CCDC93: variants seen among roughly 807,000 people sequenced by gnomAD.
The protein encoded by CCDC93 is coiled-coil domain-containing protein 93.
In CCDC93, 61 loss-of-function variants were observed where a neutral mutation model predicts 108.2. That is an observed-to-expected ratio of 0.56 (90% CI 0.46 to 0.70). CCDC93 has a LOEUF of 0.70. CCDC93 is among the 30% of genes least tolerant of loss of function. The pLI is 0.00. For synonymous variants in CCDC93, 276 were observed against 260.4 expected (o/e 1.06, Z -0.58); for missense variants, 685 against 764.2 (o/e 0.90, Z 1.22).
At chr2:117,996,566 T>C in intron 4 of CCDC93, 2 of 483,420 alleles carry the variant, frequency 4.1e-6, no homozygotes, top group East Asian at 3.5e-5. Flanking sequence ...GACCTAGTGC[T>C]GAGTAGCCGT....
chr2:117,964,999 A>G (rs114091385), intron 11 of CCDC93, among the ~76,000 whole-genome samples: 299 of 152,332 alleles, frequency 2.0e-3, no homozygotes, highest in African/African-American at 7.0e-3. Context: ...AAGCAACAGG[A>G]ATACAAAGAT....
intron 1 of CCDC93, among the ~76,000 whole-genome samples, chr2:118,011,782 T>C (rs1677027893): frequency 6.6e-6 from 1 of 152,150 alleles, no homozygotes; most frequent in African/African-American, 2.4e-5. Flanking sequence ...ACCCCTAGCA[T>C]GGAGAAGTTT....
chr2:117,988,763 T>C (rs976899734), intron 6 of CCDC93, among the ~76,000 whole-genome samples: 9 of 152,230 alleles, frequency 5.9e-5, no homozygotes, highest in African/African-American at 1.4e-4. Context: ...TGCCTGGGTA[T>C]TGACTGAAAG....
chr2:117,998,606 C>G (rs977115527), intron 4 of CCDC93: 2 of 152,222 alleles, frequency 1.3e-5, no homozygotes, highest in Admixed American at 6.5e-5. Context: ...CCCATCCAGA[C>G]AGACCCTCTA....
chr2:117,986,065 A>C lies in CCDC93; in HGVS notation c.524T>G (p.Val175Gly). ...TTTGTATTTCCGACGGGGCTTGTAC[A>C]CTTCCTAAGTGGATGAGACAGCCAA... ...AIKTVVDLSE[V>G]YKPRRKYKRH... is the part of the protein sequence containing the mutation. The change falls in exon 7 of 24, where the codon GTG becomes GGG. Residue 175 changes from valine (V) to glycine (G), a missense_variant. Transcript: ENST00000376300. 1.2e-6 allele frequency: 2 copies of C among 1,605,550 alleles called. No individual in the cohort carries two copies. The highest frequency in any genetic ancestry group is 1.7e-6 in the Non-Finnish European group (2 of 1,173,576).
At chr2:117,958,774 G>C (rs1162406925) in intron 11 of CCDC93, among the ~76,000 whole-genome samples, 1 of 152,164 alleles carries the variant, frequency 6.6e-6, no homozygotes, top group Non-Finnish European at 1.5e-5. Context: ...TCATCAAAAA[G>C]TCTTAAATAG....
At chr2:117,990,877 G>C (rs1202931478) in intron 6 of CCDC93, among the ~76,000 whole-genome samples, 1 of 151,608 alleles carries the variant, frequency 6.6e-6, no homozygotes, top group African/African-American at 2.4e-5. Context: ...TTTATTTCCT[G>C]CTTGCAGTAT....
intron 23 of CCDC93, among the ~76,000 whole-genome samples, chr2:117,922,161 C>T (rs1014712631): frequency 1.3e-5 from 2 of 151,984 alleles, no homozygotes; most frequent in Admixed American, 6.6e-5. Flanking sequence ...CCCACCTCAC[C>T]GTTTAAATGA....
At chr2:118,013,284 C>G (rs1677068419) in intron 1 of CCDC93, among the ~76,000 whole-genome samples, 1 of 152,256 alleles carries the variant, frequency 6.6e-6, no homozygotes, top group African/African-American at 2.4e-5. Context: ...CTGGAGAAGC[C>G]GCAGCCTTTC....
rs1220113033 is a variant in CCDC93, at chr2:117,941,254, T to C, written c.1457A>G (p.Asp486Gly). The C allele has an allele frequency of 6.2e-7, 1 of 1,614,096 alleles. No homozygotes were observed. The highest frequency in any genetic ancestry group is 1.1e-5 in the South Asian group (1 of 91,078). ...TAGCTCGGCACGGCTAGGGACTTCATCAATCTTGCGGTGCAAAATTGCTAT... is the reference window on the plus strand; with the variant it reads ...TAGCTCGGCACGGCTAGGGACTTCACCAATCTTGCGGTGCAAAATTGCTAT... ...REIAILHRKI[D>G]EVPSRAELIQ... Residue 486 changes from aspartate to glycine, a missense_variant, in exon 19 of 24, where the codon GAT (aspartate) becomes GGT (glycine). Coordinates refer to ENST00000376300, the MANE Select transcript of CCDC93 (RefSeq NM_019044.5).
In CCDC93 at chr2:117,958,650, C is replaced by A. The variant is rs145948332; in HGVS notation, c.889-169G>T. ...CTGGCGTACAGAAGAGATTCTGACA[C>A]AATGACCAAAATCCCTATCAACAGA... On this transcript the variant is annotated intron_variant, in intron 11 of 23. Coordinates refer to ENST00000376300, the MANE Select transcript of CCDC93 (RefSeq NM_019044.5). Among the ~76,000 whole-genome samples, 531 of 152,272 alleles carry A rather than the reference C, an allele frequency of 3.5e-3. 4 individuals carry two copies. The highest frequency in any genetic ancestry group is 0.011 in the African/African-American group (475 of 41,536).
At chr2:117,921,664 C>G (rs1032199391) in intron 23 of CCDC93, 1 of 152,210 alleles carries the variant, frequency 6.6e-6, no homozygotes, top group Non-Finnish European at 1.5e-5. Context: ...TTCCAGCTCC[C>G]TGGGCCAGGG....
At chr2:117,927,438 G>T (rs1678156960) in intron 23 of CCDC93, among the ~76,000 whole-genome samples, 1 of 152,142 alleles carries the variant, frequency 6.6e-6, no homozygotes, top group Admixed American at 6.6e-5. Flanking sequence ...CAAAATCAGT[G>T]TGCAAAAATC....
chr2:117,924,869 A>C (rs4849641), intron 23 of CCDC93, among the ~76,000 whole-genome samples: 92,467 of 152,044 alleles, frequency 0.61, 28,753 homozygotes, highest in African/African-American at 0.72. Flanking sequence ...TTAAGGGCAG[A>C]CAGAGAGAAA....
At chr2:117,958,612 G>A in intron 11 of CCDC93, 131 bp from the exon 12 acceptor site, 2 of 665,538 alleles carry the variant, frequency 3.0e-6, no homozygotes, top group Non-Finnish European at 5.4e-6. Flanking sequence ...ATTTACAGAG[G>A]CCTGTTCAAA....
rs1161784376 is a variant in CCDC93, at chr2:117,933,863, A to G, written c.1728+1632T>C. 3.3e-5 allele frequency among the ~76,000 whole-genome samples: 5 copies of G among 152,246 alleles called. No individual in the cohort carries two copies. In the South Asian group the frequency reaches 8.3e-4, roughly 25 times the overall value. On this transcript the variant is annotated intron_variant, in intron 22 of 23. Transcript: ENST00000376300. ...TTGAAAGAATTCACTCATTCAACAA[A>G]TAGTCCTTGAGGGCCTAACCATGGG...
At chr2:117,993,958 TC>T (rs1345046541) in intron 6 of CCDC93, among the ~76,000 whole-genome samples, 4 of 152,212 alleles carry the variant, frequency 2.6e-5, no homozygotes, top group Non-Finnish European at 5.9e-5. Flanking sequence ...GGTCTTGAAC[TC>T]CTGACCTCGT....
At chr2:117,930,750 A>G in intron 23 of CCDC93, 2 of 243,322 alleles carry the variant, frequency 8.2e-6, no homozygotes, top group Non-Finnish European at 1.6e-5. Flanking sequence ...GTGGCCCTTG[A>G]TACGGACTGA....
rs565984380 is a variant in CCDC93 at position 117,985,491 on chromosome 2, T to C, written c.620+478A>G. On this transcript the variant is annotated intron_variant, in intron 7 of 23. Coordinates refer to ENST00000376300, the MANE Select transcript of CCDC93 (RefSeq NM_019044.5). ...GGGGAGAAGCATGTCCTTGCACTTT[T>C]TTTTAAAGTAAAAACTAAGGATATA... is the stretch of plus-strand genomic sequence containing the variant. 30 of 908,780 alleles carry C rather than the reference T, an allele frequency of 3.3e-5. No individual in the cohort carries two copies. The East Asian group carries it at 2.6e-3, about 79-fold the overall frequency. The allele number at this position is 908,780 out of a possible 1,614,324, so 56.3% of individuals were successfully genotyped here.
Sources: gnomAD v4.1 joint callset for allele counts (sites outside exome capture counted in the v4.1 genomes callset) on GRCh38, gnomAD v4.1.1 for gene constraint, MANE v1.5 for transcripts, NCBI Gene and HGNC (gene_info 2026-07-23, HGNC 2026-07-21) for gene names.